Variants in LRRIQ1 observed in about 807,000 individuals in gnomAD.
The protein encoded by LRRIQ1 is leucine rich repeats and IQ motif containing 1, also known as leucine-rich repeat- and IQ domain-containing protein 1.
Under a neutral mutation model 211.9 loss-of-function variants are expected in LRRIQ1, and 210 were observed. That is an observed-to-expected ratio of 0.99 (90% CI 0.89 to 1.11). LRRIQ1 has a LOEUF of 1.11. Among genes scored for constraint, LRRIQ1 ranks in the 50% most tolerant of loss-of-function variants. The pLI is 0.00. For synonymous variants in LRRIQ1, 699 were observed against 650.1 expected (o/e 1.08, Z -1.14); for missense variants, 2,136 against 1,939.5 (o/e 1.10, Z -1.90).
chr12:85,047,133 C>G, intron 5 of LRRIQ1, 114 bp from the exon 6 acceptor site: 1 of 717,346 alleles, frequency 1.4e-6, no homozygotes, highest in Non-Finnish European at 2.2e-6. Flanking sequence ...CACATGTACC[C>G]TAGAACTTAA....
chr12:85,047,423 A>G lies in LRRIQ1; in HGVS notation c.631A>G (p.Met211Val), dbSNP rs1879748593. 1 of 1,613,382 alleles carries G rather than the reference A, an allele frequency of 6.2e-7. No individual in the cohort carries two copies. Among genetic ancestry groups the G allele is most frequent in the Non-Finnish European group, 8.5e-7 (1 of 1,179,584 alleles). Residue 211 changes from methionine (M) to valine (V), a missense_variant, in exon 6 of 27, where the codon ATG becomes GTG. By Grantham distance (21) the Met-to-Val change is conservative (BLOSUM62 1). Coordinates refer to ENST00000393217, the MANE Select transcript of LRRIQ1 (RefSeq NM_001079910.2). ...AGAAGAAGAAAAGCGACATTGCTGG[A>G]TGAAACAATTTAAAGTTGAAAAGAA... ...QEEEEKRHCWMKQFKVEKKKL... is the reference protein window; with the variant it reads ...QEEEEKRHCWVKQFKVEKKKL...
rs931032919 is a variant in LRRIQ1, at chr12:85,052,167, A to G, written c.679-10A>G. The G allele has an allele frequency of 7.1e-7, 1 of 1,403,836 alleles. No individual in the cohort carries two copies. The highest frequency in any genetic ancestry group is 9.8e-7 in the Non-Finnish European group (1 of 1,022,054). The allele number at this position is 1,403,836 out of a possible 1,614,324, so 87.0% of individuals were successfully genotyped here. A position where few individuals can be genotyped will look rare whatever the true frequency, so the allele number is the denominator to read the frequency against. ...GAGTATAGTCATATTTATTATTATC[A>G]TATGTTCAGCAAGAACAGGACAAGA... On this transcript the variant is annotated splice_polypyrimidine_tract_variant and intron_variant, in intron 6 of 26. Transcript: ENST00000393217.
At chr12:85,098,089 A>G (rs1886047710) in intron 11 of LRRIQ1, among the ~76,000 whole-genome samples, 1 of 152,158 alleles carries the variant, frequency 6.6e-6, no homozygotes, top group Non-Finnish European at 1.5e-5. Context: ...TAAAGCATTC[A>G]TTCCCAGTGT....
chr12:85,058,085 G>A (rs1034190099), intron 8 of LRRIQ1, among the ~76,000 whole-genome samples: 3 of 151,828 alleles, frequency 2.0e-5, no homozygotes, highest in Non-Finnish European at 2.9e-5. Flanking sequence ...AGTCTTTTAC[G>A]GAGCTTAAAC....
At chr12:85,173,862 C>A (rs1891549014) in intron 24 of LRRIQ1, among the ~76,000 whole-genome samples, 1 of 151,946 alleles carries the variant, frequency 6.6e-6, no homozygotes, top group Non-Finnish European at 1.5e-5. Flanking sequence ...TAGCACCATG[C>A]CTTTAATCTC....
chr12:85,047,098 A>G (rs567463301), intron 5 of LRRIQ1, 149 bp from the exon 6 acceptor site: 10 of 506,036 alleles, frequency 2.0e-5, no homozygotes, highest in South Asian at 5.4e-5. Flanking sequence ...ACATGTATAC[A>G]TATGTAACAA....
chr12:85,160,548 G>T, intron 23 of LRRIQ1, 65 bp from the exon 24 acceptor site: 2 of 946,084 alleles, frequency 2.1e-6, no homozygotes, highest in Non-Finnish European at 1.7e-6. Flanking sequence ...TAAGAAATAT[G>T]TGGACATTTA....
chr12:85,157,706 G>A (rs1890630368), intron 23 of LRRIQ1, among the ~76,000 whole-genome samples: 1 of 151,836 alleles, frequency 6.6e-6, no homozygotes, highest in Non-Finnish European at 1.5e-5. Flanking sequence ...TGAGGTGGAT[G>A]CAGAAAGGGA....
chr12:85,165,267 C>T (rs1056242827), intron 24 of LRRIQ1, among the ~76,000 whole-genome samples: 4 of 151,828 alleles, frequency 2.6e-5, no homozygotes, highest in Non-Finnish European at 4.4e-5. Context: ...AAACAGGTAC[C>T]GTTTTTCAGC....
chr12:85,112,628 G>A (rs1887269035), intron 15 of LRRIQ1, among the ~76,000 whole-genome samples: 1 of 151,460 alleles, frequency 6.6e-6, no homozygotes, highest in South Asian at 2.1e-4. Context: ...TTCTTGCATT[G>A]TCCCAGGCAC....
chr12:85,176,118 C>T (rs965822311), intron 24 of LRRIQ1, among the ~76,000 whole-genome samples: 13 of 152,000 alleles, frequency 8.6e-5, no homozygotes, highest in African/African-American at 2.4e-4. Flanking sequence ...TTTCACGATA[C>T]TGATTCTTCC....
chr12:85,186,405 G>A (rs1892231229), intron 24 of LRRIQ1, among the ~76,000 whole-genome samples: 1 of 152,100 alleles, frequency 6.6e-6, no homozygotes, highest in Admixed American at 6.6e-5. Flanking sequence ...CCCATTCTCT[G>A]ATATGGTGAC....
chr12:85,153,175 A>G (rs183189056), intron 21 of LRRIQ1, 30 bp downstream of exon 21: 20 of 1,562,582 alleles, frequency 1.3e-5, no homozygotes, highest in Middle Eastern at 1.7e-4. Flanking sequence ...TAGAGAATCA[A>G]CTTGTGAATG....
chr12:85,166,563 A>T (rs985314701), intron 24 of LRRIQ1, among the ~76,000 whole-genome samples: 7 of 151,996 alleles, frequency 4.6e-5, no homozygotes, highest in Non-Finnish European at 7.4e-5. Context: ...TCTCCTCCTG[A>T]CTTCTCCTTT....
intron 24 of LRRIQ1, among the ~76,000 whole-genome samples, chr12:85,173,213 A>G (rs1891504640): frequency 6.6e-6 from 1 of 152,228 alleles, no homozygotes; most frequent in Non-Finnish European, 1.5e-5. Flanking sequence ...ATTTAACATT[A>G]ACATTAATTC....
chr12:85,262,953 A>G, exon 2 of LRRIQ1: 1 of 987,022 alleles, frequency 1.0e-6, no homozygotes, highest in Non-Finnish European at 1.2e-6. Flanking sequence ...GCCAATAATA[A>G]CAAATACAAG....
intron 1 of LRRIQ1, among the ~76,000 whole-genome samples, chr12:85,036,681 T>TTTCC (rs1206148268): frequency 6.6e-6 from 1 of 152,008 alleles, no homozygotes; most frequent in Admixed American, 6.6e-5. Context: ...TTGACGTTAT[T>TTTCC]TTCCTTCCTT....
intron 15 of LRRIQ1, among the ~76,000 whole-genome samples, chr12:85,120,529 A>G (rs181356482): frequency 4.2e-4 from 64 of 152,256 alleles, no homozygotes; most frequent in African/African-American, 1.3e-3. Context: ...ACCTCTCTAT[A>G]TAAACTTTAG....
At chr12:85,163,931 C>G (rs1891025185) in intron 24 of LRRIQ1, among the ~76,000 whole-genome samples, 1 of 152,174 alleles carries the variant, frequency 6.6e-6, no homozygotes, top group Non-Finnish European at 1.5e-5. Context: ...CGCCTGTCCC[C>G]AGAGTCACCT....
Sources: gnomAD v4.1 joint callset for allele counts (sites outside exome capture counted in the v4.1 genomes callset) on GRCh38, gnomAD v4.1.1 for gene constraint, MANE v1.5 for transcripts, NCBI Gene and HGNC (gene_info 2026-07-23, HGNC 2026-07-21) for gene names.